PARPBP: variants seen among roughly 807,000 people sequenced by gnomAD.
The protein encoded by PARPBP is PCNA-interacting partner.
Under a neutral mutation model 50.0 loss-of-function variants are expected in PARPBP, and 52 were observed. The observed-to-expected ratio is 1.04, with a 90% CI of 0.83 to 1.31. The LOEUF (loss-of-function observed/expected upper bound fraction) is 1.31, where lower values mean the gene tolerates loss of function less well. Ranked by LOEUF, PARPBP falls within the 50% of genes most tolerant of loss-of-function variation. The pLI, the probability that PARPBP is intolerant of heterozygous loss-of-function variation, is 0.00. For synonymous variants in PARPBP, 244 were observed against 232.1 expected (o/e 1.05, Z -0.47); for missense variants, 697 against 672.0 (o/e 1.04, Z -0.41).
rs1445083344 is a variant in PARPBP, at chr12:102,196,389, A to G, written c.*98A>G. On this transcript the variant is annotated 3_prime_UTR_variant, in exon 11 of 11. Coordinates refer to ENST00000327680, the MANE Select transcript of PARPBP (RefSeq NM_017915.5). ...ATCAAGGTGTAAATTATGATGATTT[A>G]TTATTTTGGTCTACAGTGTATGTAA... 2.1e-5 allele frequency: 18 copies of G among 872,838 alleles called. No homozygotes were observed. Among genetic ancestry groups the G allele is most frequent in the Admixed American group, 7.9e-5 (3 of 38,124 alleles). The allele number at this position is 872,838 out of a possible 1,614,324, so 54.1% of individuals were successfully genotyped here. A position where few individuals can be genotyped will look rare whatever the true frequency, so the allele number is the denominator to read the frequency against.
intron 1 of PARPBP, among the ~76,000 whole-genome samples, chr12:102,122,877 A>G (rs1053758605): frequency 6.6e-6 from 1 of 152,252 alleles, no homozygotes; most frequent in African/African-American, 2.4e-5. Flanking sequence ...TTTGAAAAGT[A>G]TCTCCACCAA....
At position 102,197,358 on chromosome 12, in the gene PARPBP, A is replaced by G; in HGVS notation, c.*1067A>G. 3 of 803,238 alleles carry G rather than the reference A, an allele frequency of 3.7e-6. No individual in the cohort carries two copies. Among genetic ancestry groups the G allele is most frequent in the Non-Finnish European group, 5.8e-6 (3 of 515,378 alleles). 49.8% of individuals were successfully genotyped at this position (803,238 alleles called of 1,614,324 possible). A position where few individuals can be genotyped will look rare whatever the true frequency, so the allele number is the denominator to read the frequency against. On this transcript the variant is annotated 3_prime_UTR_variant, in exon 11 of 11. Transcript: ENST00000327680. ...AGATAAGAGGTGTTTGCTGGGATGG[A>G]AGAACTACCTGGCATGTAAGAAATA...
intron 4 of PARPBP, among the ~76,000 whole-genome samples, chr12:102,161,632 A>G (rs149074055): frequency 2.0e-5 from 3 of 152,240 alleles, no homozygotes; most frequent in African/African-American, 7.2e-5. Flanking sequence ...AAACGTTATC[A>G]GAAAGTGGCT....
intron 4 of PARPBP, among the ~76,000 whole-genome samples, chr12:102,161,870 CAG>C (rs1419826227): frequency 6.6e-6 from 1 of 152,172 alleles, no homozygotes; most frequent in Non-Finnish European, 1.5e-5. Flanking sequence ...ACTGGGGAAT[CAG>C]GGAGCATCTC....
chr12:102,127,188 A>G (rs1882138156), intron 2 of PARPBP, among the ~76,000 whole-genome samples: 1 of 152,170 alleles, frequency 6.6e-6, no homozygotes, highest in African/African-American at 2.4e-5. Context: ...TAAGCCCAGA[A>G]GTTCAAGACC....
At chr12:102,173,185 G>C (rs1888922414) in intron 6 of PARPBP, among the ~76,000 whole-genome samples, 1 of 152,190 alleles carries the variant, frequency 6.6e-6, no homozygotes. Flanking sequence ...GGCCAGCATG[G>C]GGAGATAAAT....
At position 102,171,694 on chromosome 12, in the gene PARPBP, G is replaced by A. The variant is rs549286145; in HGVS notation, c.822-3789G>A. 4.0e-5 allele frequency among the ~76,000 whole-genome samples: 6 copies of A among 151,882 alleles called. No individual in the cohort carries two copies. The East Asian group carries it at 5.8e-4, about 15-fold the overall frequency. ...ATCCTGGCTAACACGGTGAAACCCC[G>A]TCTCTACTAAAAATACAAAAAATTA... On this transcript the variant is annotated intron_variant, in intron 6 of 10. Coordinates refer to ENST00000327680, the MANE Select transcript of PARPBP (RefSeq NM_017915.5).
At chr12:102,142,130 A>T (rs908029051) in intron 2 of PARPBP, among the ~76,000 whole-genome samples, 1 of 152,210 alleles carries the variant, frequency 6.6e-6, no homozygotes, top group African/African-American at 2.4e-5. Context: ...CACCAATCAG[A>T]TGTAAATTTG....
intron 2 of PARPBP, among the ~76,000 whole-genome samples, chr12:102,147,465 G>A (rs951303373): frequency 2.0e-5 from 3 of 150,216 alleles, no homozygotes; most frequent in Non-Finnish European, 3.0e-5. Context: ...CTATCGCAAG[G>A]ACAAAAAACC....
chr12:102,176,595 A>G (rs1320605870), intron 7 of PARPBP, among the ~76,000 whole-genome samples: 3 of 152,192 alleles, frequency 2.0e-5, no homozygotes, highest in South Asian at 2.1e-4. Context: ...GAAATTGACT[A>G]CTGTGTTTTT....
At chr12:102,180,175 T>G (rs1889689950) in intron 8 of PARPBP, among the ~76,000 whole-genome samples, 1 of 152,208 alleles carries the variant, frequency 6.6e-6, no homozygotes, top group Admixed American at 6.5e-5. Flanking sequence ...ACGATAAATA[T>G]TTTTATCAGT....
chr12:102,122,842 C>T (rs949581847), intron 1 of PARPBP, among the ~76,000 whole-genome samples: 4 of 152,162 alleles, frequency 2.6e-5, no homozygotes, highest in Admixed American at 6.5e-5. Flanking sequence ...TTATGACAGT[C>T]GAGTGAGGTA....
At chr12:102,161,889 G>T (rs570312943) in intron 4 of PARPBP, among the ~76,000 whole-genome samples, 3 of 152,288 alleles carry the variant, frequency 2.0e-5, no homozygotes, top group African/African-American at 7.2e-5. Flanking sequence ...TCTCTGAAAA[G>T]GTAACATTTA....
chr12:102,139,267 A>G (rs532910744), intron 2 of PARPBP, among the ~76,000 whole-genome samples: 1 of 152,022 alleles, frequency 6.6e-6, no homozygotes, highest in Non-Finnish European at 1.5e-5. Context: ...ATGAGAGTTC[A>G]CTCATGATTT....
chr12:102,137,540 A>T (rs147053901), intron 2 of PARPBP, among the ~76,000 whole-genome samples: 177 of 151,634 alleles, frequency 1.2e-3, no homozygotes, highest in African/African-American at 3.9e-3. Flanking sequence ...ATTCTAGGGT[A>T]TATGTGCACA....
chr12:102,179,618 C>G (rs1041847780), intron 8 of PARPBP, among the ~76,000 whole-genome samples: 1 of 152,086 alleles, frequency 6.6e-6, no homozygotes, highest in Non-Finnish European at 1.5e-5. Flanking sequence ...GGCCACCAGT[C>G]CTGTTAGATT....
Position 102,152,413 on chromosome 12 carries a change from A to T in PARPBP, c.388-1456A>T, listed in dbSNP as rs150105179. Reference sequence around the variant, plus strand: ...CTAGCAGAGATGTAATGATGAAATTACTCACAAAAGGGATTAGATGCAGGC... The same window carrying T: ...CTAGCAGAGATGTAATGATGAAATTTCTCACAAAAGGGATTAGATGCAGGC... On this transcript the variant is annotated intron_variant, in intron 3 of 10. Coordinates refer to ENST00000327680, the MANE Select transcript of PARPBP (RefSeq NM_017915.5). Among the ~76,000 whole-genome samples the T allele has an allele frequency of 1.5e-4, 23 of 152,318 alleles. No individual in the cohort carries two copies. In the East Asian group the frequency reaches 3.7e-3, roughly 24 times the overall value.
At chr12:102,130,553 C>T (rs1882684823) in intron 2 of PARPBP, among the ~76,000 whole-genome samples, 1 of 151,908 alleles carries the variant, frequency 6.6e-6, no homozygotes, top group South Asian at 2.1e-4. Flanking sequence ...GAAAAAATCC[C>T]ATTAAGAAGT....
Position 102,196,642 on chromosome 12 carries a change from C to T in PARPBP, c.*351C>T. On this transcript the variant is annotated 3_prime_UTR_variant, in exon 11 of 11. Transcript: ENST00000327680. ...TTTTCTTCTGAAAAGATGATGTGGA[C>T]CAACAGGTATCAGACTTGCCAACAA... The T allele has an allele frequency of 6.3e-7, 1 of 1,599,094 alleles. No individual in the cohort carries two copies. The highest frequency in any genetic ancestry group is 8.6e-7 in the Non-Finnish European group (1 of 1,166,748).
Sources: allele counts gnomAD v4.1 joint callset (sites outside exome capture counted in the v4.1 genomes callset), GRCh38; gene constraint gnomAD v4.1.1; transcripts MANE v1.5; gene names NCBI Gene and HGNC (gene_info 2026-07-23, HGNC 2026-07-21).